The following SLC30A8 variants were observed in gnomAD, a reference collection of about 807,000 sequenced individuals.
SLC30A8 encodes the protein proton-coupled zinc antiporter SLC30A8.
In SLC30A8, 27 loss-of-function variants were observed where a neutral mutation model predicts 36.9. The ratio of observed to expected loss-of-function variants is 0.73; its 90% confidence interval spans 0.54 to 1.01. The LOEUF is 1.01. Ranked by LOEUF, SLC30A8 falls within the 50% of genes least tolerant of loss-of-function variation. The pLI is 0.00. For synonymous variants in SLC30A8, 164 were observed against 172.4 expected (o/e 0.95, Z 0.38); for missense variants, 439 against 452.0 (o/e 0.97, Z 0.26).
intron 1 of SLC30A8, among the ~76,000 whole-genome samples, chr8:116,951,563 T>A (rs149945240): frequency 6.6e-6 from 1 of 152,078 alleles, no homozygotes; most frequent in African/African-American, 2.4e-5. Flanking sequence ...CTACCACATG[T>A]ATCGTAATAC....
chr8:116,991,436 C>T lies in SLC30A8; in HGVS notation c.-266+40317C>T, dbSNP rs1815638807. Among the ~76,000 whole-genome samples the T allele has an allele frequency of 2.6e-5, 4 of 152,152 alleles. No individual in the cohort carries two copies. The South Asian group carries it at 8.3e-4, about 32-fold the overall frequency. On this transcript the variant is annotated intron_variant, in intron 1 of 10. Coordinates refer to the SLC30A8 transcript ENST00000427715. ...TCTCCTGCCTCAGCCTCCTGAGTAG[C>T]TAGGATTACAGGCACCCGCCACCAC...
At chr8:116,992,086 T>C (rs1422089437) in intron 1 of SLC30A8, among the ~76,000 whole-genome samples, 3 of 152,212 alleles carry the variant, frequency 2.0e-5, no homozygotes, top group African/African-American at 7.2e-5. Context: ...TTTATTTGAC[T>C]GAAATGCATT....
rs397816869 is a variant in SLC30A8 at position 116,987,437 on chromosome 8, A to AT, written c.-266+36318_-266+36319insT. Among the ~76,000 whole-genome samples the AT allele has an allele frequency of 5.6e-3, 805 of 142,700 alleles. 8 individuals are homozygous for AT. The highest frequency in any genetic ancestry group is 0.02 in the African/African-American group (759 of 38,432). 93.6% of individuals were successfully genotyped at this position (142,700 alleles called of 152,430 possible). A position where few individuals can be genotyped will look rare whatever the true frequency, so the allele number is the denominator to read the frequency against. On this transcript the variant is annotated intron_variant, in intron 1 of 10. Coordinates refer to the SLC30A8 transcript ENST00000427715. ...GCACATGTACCCTAAAAGTATAATA[A>AT]AATAAAAAATGCACACGTAAAAATA...
chr8:117,119,181 A>G (rs1469421317), intron 2 of SLC30A8, among the ~76,000 whole-genome samples: 1 of 151,854 alleles, frequency 6.6e-6, no homozygotes, highest in Admixed American at 6.6e-5. Flanking sequence ...TGATGCTGAG[A>G]TACTGTGAGG....
intron 2 of SLC30A8, among the ~76,000 whole-genome samples, chr8:117,075,033 C>T (rs1481634392): frequency 1.3e-5 from 2 of 152,134 alleles, no homozygotes; most frequent in Non-Finnish European, 2.9e-5. Flanking sequence ...GTCTAACCAG[C>T]AAGTTAATTC....
At chr8:117,170,837 A>G (rs1324617032) in intron 6 of SLC30A8, among the ~76,000 whole-genome samples, 197 bp from the exon 7 acceptor site, 1 of 152,208 alleles carries the variant, frequency 6.6e-6, no homozygotes, top group African/African-American at 2.4e-5. Context: ...TTCTGCAAGT[A>G]TTCTGAGTGG....
chr8:117,100,034 T>C (rs914154956), intron 2 of SLC30A8, among the ~76,000 whole-genome samples: 77 of 151,000 alleles, frequency 5.1e-4, no homozygotes, highest in African/African-American at 1.9e-3. Flanking sequence ...AGGTACCACA[T>C]CTATAAAAAT....
intron 4 of SLC30A8, among the ~76,000 whole-genome samples, chr8:117,161,456 A>T (rs1457227135): frequency 1.3e-5 from 2 of 152,188 alleles, no homozygotes; most frequent in African/African-American, 4.8e-5. Context: ...CTTGATTTTC[A>T]TCTAAGAAGT....
chr8:116,952,919 T>C (rs1187302914), intron 1 of SLC30A8, among the ~76,000 whole-genome samples: 2 of 152,174 alleles, frequency 1.3e-5, no homozygotes, highest in East Asian at 1.9e-4. Context: ...GCAGATTCTT[T>C]TTACCTGGGT....
intron 5 of SLC30A8, among the ~76,000 whole-genome samples, chr8:117,162,339 A>G (rs1563636649): frequency 6.6e-6 from 1 of 151,998 alleles, no homozygotes; most frequent in Non-Finnish European, 1.5e-5. Flanking sequence ...CAGTTGACCT[A>G]GGTTGTGTCT....
chr8:116,951,114 T>A (rs1813977370), exon 1 of SLC30A8: 1 of 152,244 alleles, frequency 6.6e-6, no homozygotes, highest in African/African-American at 2.4e-5. Flanking sequence ...TGCTTTGTGA[T>A]ACCTGGTGAG....
chr8:117,164,939 A>G (rs914679912), intron 6 of SLC30A8, among the ~76,000 whole-genome samples: 1 of 152,166 alleles, frequency 6.6e-6, no homozygotes, highest in Non-Finnish European at 1.5e-5. Context: ...ATCCGTCCTT[A>G]TGCCTAAAGC....
chr8:117,105,978 T>C (rs1819976276), intron 2 of SLC30A8, among the ~76,000 whole-genome samples: 1 of 152,210 alleles, frequency 6.6e-6, no homozygotes, highest in South Asian at 2.1e-4. Context: ...TTTCTTTTCA[T>C]TTTCAATGTA....
intron 2 of SLC30A8, among the ~76,000 whole-genome samples, chr8:117,122,536 G>A (rs1820732884): frequency 6.6e-6 from 1 of 151,948 alleles, no homozygotes; most frequent in African/African-American, 2.4e-5. Context: ...CTCCTTGTCT[G>A]TTCTCTTCAT....
At position 117,012,724 on chromosome 8, in the gene SLC30A8, T is replaced by C. The variant is rs867843886; in HGVS notation, c.-265-26495T>C. ...TTGTGCATGTACATAGACATATGTA[T>C]ACACACACACACACACACACACACA... On this transcript the variant is annotated intron_variant, in intron 1 of 10. Coordinates refer to the SLC30A8 transcript ENST00000427715. 2.8e-3 allele frequency among the ~76,000 whole-genome samples: 348 copies of C among 126,378 alleles called. 1 individual carries two copies. The highest frequency in any genetic ancestry group is 8.4e-3 in the African/African-American group (289 of 34,384). The allele number at this position is 126,378 out of a possible 152,430, so 82.9% of individuals were successfully genotyped here. A position where few individuals can be genotyped will look rare whatever the true frequency, so the allele number is the denominator to read the frequency against.
intron 3 of SLC30A8, among the ~76,000 whole-genome samples, chr8:117,156,184 T>G (rs1362297230): frequency 6.6e-6 from 1 of 151,972 alleles, no homozygotes; most frequent in East Asian, 1.9e-4. Flanking sequence ...GGATTACAGG[T>G]GCACATCACC....
chr8:117,132,533 G>A (rs1821178060), upstream of SLC30A8, among the ~76,000 whole-genome samples: 1 of 152,030 alleles, frequency 6.6e-6, no homozygotes, highest in Non-Finnish European at 1.5e-5. Flanking sequence ...GGTTGCCTAG[G>A]AAACTGAAAT....
At chr8:117,013,319 A>G (rs1816405611) in intron 1 of SLC30A8, among the ~76,000 whole-genome samples, 2 of 152,146 alleles carry the variant, frequency 1.3e-5, no homozygotes, top group Admixed American at 6.6e-5. Context: ...ATCTGTCTCT[A>G]CTGCATGATT....
intron 1 of SLC30A8, among the ~76,000 whole-genome samples, chr8:116,969,499 TTATC>T (rs1191948965): frequency 6.6e-6 from 1 of 152,174 alleles, no homozygotes; most frequent in Admixed American, 6.5e-5. Context: ...TCGTATGTAT[TTATC>T]TATATGTACA....
Sources: allele counts gnomAD v4.1 joint callset (sites outside exome capture counted in the v4.1 genomes callset), GRCh38; gene constraint gnomAD v4.1.1; transcripts MANE v1.5; gene names NCBI Gene and HGNC (gene_info 2026-07-23, HGNC 2026-07-21).